The following XRRA1 variants were observed in gnomAD, a reference collection of about 807,000 sequenced individuals.
XRRA1 encodes the protein X-ray radiation resistance-associated protein 1.
Under a neutral mutation model 80.2 loss-of-function variants are expected in XRRA1, and 69 were observed. The observed-to-expected ratio is 0.86, with a 90% CI of 0.71 to 1.05. The LOEUF (loss-of-function observed/expected upper bound fraction) is 1.05, where lower values mean the gene tolerates loss of function less well. Ranked by LOEUF, XRRA1 falls within the 50% of genes least tolerant of loss-of-function variation. The pLI is 0.00. For missense variants in XRRA1, 967 were observed against 976.4 expected, an observed-to-expected ratio of 0.99 and a Z score of 0.13; for synonymous variants, 348 against 389.9, an observed-to-expected ratio of 0.89 and a Z score of 1.27.
chr11:74,893,592 GA>G lies in XRRA1; in HGVS notation c.1003+12646del, dbSNP rs1276201220. 3.6e-4 allele frequency among the ~76,000 whole-genome samples: 51 copies of G among 141,472 alleles called. No individual in the cohort carries two copies. In the South Asian group the frequency reaches 8.4e-3, roughly 23 times the overall value. 92.8% of individuals were successfully genotyped at this position (141,472 alleles called of 152,430 possible). A position where few individuals can be genotyped will look rare whatever the true frequency, so the allele number is the denominator to read the frequency against. On this transcript the variant is annotated intron_variant, in intron 10 of 18. Transcript: ENST00000684022. ...AAATAAAAAAATAAAGACTTCAAAAGAAAAAAAAAAGGAGACATACATCCTG... is the reference window on the plus strand; with the variant it reads ...AAATAAAAAAATAAAGACTTCAAAAGAAAAAAAAAGGAGACATACATCCTG...
intron 7 of XRRA1, among the ~76,000 whole-genome samples, chr11:74,922,385 TCAAGGGGC>T (rs1941099477): frequency 1.3e-5 from 2 of 151,604 alleles, no homozygotes; most frequent in South Asian, 4.2e-4. Context: ...TTGACTGGGG[TCAAGGGGC>T]CAAGGGGTCA....
At chr11:74,929,560 C>A (rs1943038543) in intron 6 of XRRA1, among the ~76,000 whole-genome samples, 1 of 152,208 alleles carries the variant, frequency 6.6e-6, no homozygotes, top group Non-Finnish European at 1.5e-5. Context: ...CAATTGTCCC[C>A]CACATGCTTC....
intron 8 of XRRA1, among the ~76,000 whole-genome samples, chr11:74,914,023 C>T (rs1054996336): frequency 9.2e-5 from 14 of 152,042 alleles, no homozygotes; most frequent in Admixed American, 1.3e-4. Context: ...CTCACTCTGT[C>T]GCCTGGGGTT....
chr11:74,898,871 A>G (rs936904436), intron 10 of XRRA1, among the ~76,000 whole-genome samples: 1 of 152,166 alleles, frequency 6.6e-6, no homozygotes, highest in African/African-American at 2.4e-5. Context: ...ATCAACAAAG[A>G]AACACTGGAC....
At chr11:74,844,369 A>C in intron 16 of XRRA1, 86 bp from the exon 17 acceptor site, 3 of 945,922 alleles carry the variant, frequency 3.2e-6, no homozygotes, top group Non-Finnish European at 3.3e-6. Flanking sequence ...CCTCAGTCTC[A>C]CAGCAGCTCT....
chr11:74,841,916 C>T lies in XRRA1; in HGVS notation c.*1284G>A, dbSNP rs1209862780. Reference sequence around the variant, plus strand: ...CAAGTTTGCATCAAACATGGTATTACCAACGCTGAGCCTCCAGCAGAGCAC... The same window carrying T: ...CAAGTTTGCATCAAACATGGTATTATCAACGCTGAGCCTCCAGCAGAGCAC... On this transcript the variant is annotated 3_prime_UTR_variant, in exon 19 of 19. Transcript: ENST00000684022. The T allele has an allele frequency of 1.3e-5, 2 of 152,224 alleles. No individual in the cohort carries two copies. Among genetic ancestry groups the T allele is most frequent in the Non-Finnish European group, 2.9e-5 (2 of 68,042 alleles). The allele number at this position is 152,224 out of a possible 1,614,324, so 9.4% of individuals were successfully genotyped here.
At chr11:74,844,641 T>C (rs973551663) in intron 16 of XRRA1, among the ~76,000 whole-genome samples, 4 of 152,316 alleles carry the variant, frequency 2.6e-5, no homozygotes, top group African/African-American at 9.6e-5. Context: ...GCTTTGGAAG[T>C]ACTGATTAAC....
intron 1 of XRRA1, among the ~76,000 whole-genome samples, chr11:74,948,531 C>A (rs1229287665): frequency 1.3e-5 from 2 of 152,096 alleles, no homozygotes; most frequent in African/African-American, 2.4e-5. Flanking sequence ...ATCCTAAAAC[C>A]GTAAAAGCAG....
chr11:74,878,495 T>C (rs1420276136), intron 10 of XRRA1, among the ~76,000 whole-genome samples: 1 of 152,224 alleles, frequency 6.6e-6, no homozygotes, highest in Non-Finnish European at 1.5e-5. Context: ...GTTTTGGCTT[T>C]TGTTGCCATT....
chr11:74,843,113 C>T lies in XRRA1; in HGVS notation c.*87G>A. The T allele has an allele frequency of 2.1e-6, 3 of 1,452,688 alleles. No individual in the cohort carries two copies. Among genetic ancestry groups the T allele is most frequent in the Non-Finnish European group, 2.7e-6 (3 of 1,099,312 alleles). The allele number at this position is 1,452,688 out of a possible 1,614,324, so 90.0% of individuals were successfully genotyped here. ...GCTCTGAGGCCTGTGGCCGGCTGGT[C>T]AACCTTGAGGTGCGGTCCAGGGCAC... is the stretch of plus-strand genomic sequence containing the variant. On this transcript the variant is annotated 3_prime_UTR_variant, in exon 19 of 19. Coordinates refer to ENST00000684022, the MANE Select transcript of XRRA1 (RefSeq NM_001378157.1).
chr11:74,873,086 T>C (rs1461685901), intron 10 of XRRA1, among the ~76,000 whole-genome samples: 2 of 152,144 alleles, frequency 1.3e-5, no homozygotes, highest in African/African-American at 4.8e-5. Context: ...TGGAAGCTAT[T>C]ATTAATCCAG....
At chr11:74,847,549 T>C (rs1338036296) in intron 15 of XRRA1, among the ~76,000 whole-genome samples, 1 of 152,194 alleles carries the variant, frequency 6.6e-6, no homozygotes, top group Non-Finnish European at 1.5e-5. Context: ...TTCACCTTTT[T>C]AATTCCTACT....
chr11:74,891,519 C>A (rs1407271789), intron 10 of XRRA1, among the ~76,000 whole-genome samples: 2 of 152,220 alleles, frequency 1.3e-5, no homozygotes, highest in Admixed American at 1.3e-4. Context: ...TCTCTCACCA[C>A]TCCTATTCAA....
Position 74,843,454 on chromosome 11 carries a change from C to T in XRRA1, c.2150-1G>A. 6.2e-7 allele frequency: 1 copy of T among 1,610,712 alleles called. No homozygotes were observed. The highest frequency in any genetic ancestry group is 1.1e-5 in the South Asian group (1 of 90,166). On this transcript the variant is annotated splice_acceptor_variant, in intron 18 of 18. Transcript: ENST00000684022. LOFTEE classifies it high-confidence loss of function. ...TCTGTCCACTGGTGCAGGACAGCAC[C>T]TGCAGGAAAAGAAGCCAGGAGAGGC...
chr11:74,843,495 GT>G, intron 18 of XRRA1, 42 bp from the exon 19 acceptor site: 1 of 1,589,886 alleles, frequency 6.3e-7, no homozygotes, highest in Non-Finnish European at 8.6e-7. Context: ...GCTCATCCTG[GT>G]TCTCACCTAG....
intron 10 of XRRA1, among the ~76,000 whole-genome samples, chr11:74,872,829 T>C (rs4309180): frequency 0.021 from 3,230 of 152,222 alleles, 111 homozygotes; most frequent in African/African-American, 0.074. Context: ...CTTCTAGACA[T>C]TGGAACCAGC....
intron 10 of XRRA1, among the ~76,000 whole-genome samples, chr11:74,883,552 C>T (rs778429588): frequency 2.0e-5 from 3 of 151,874 alleles, no homozygotes; most frequent in Admixed American, 6.5e-5. Flanking sequence ...TCTTAATATT[C>T]ATATTCAAAC....
rs981285677 is a variant in XRRA1, at chr11:74,876,232, C to T, written c.1004-13211G>A. 3 of 152,300 alleles carry T rather than the reference C, an allele frequency of 2.0e-5. No individual in the cohort carries two copies. The Middle Eastern group carries it at 0.01, about 518-fold the overall frequency. The allele number at this position is 152,300 out of a possible 1,614,324, so 9.4% of individuals were successfully genotyped here. On this transcript the variant is annotated intron_variant, in intron 10 of 18. Transcript: ENST00000684022. The stretch of plus-strand genomic sequence containing the variant: ...CATTGTGCTTGGAGACCCCAGTCCT[C>T]AGGAAAGGTAGAGAAGACAAACGAT...
chr11:74,893,993 A>C (rs112439970), intron 10 of XRRA1, among the ~76,000 whole-genome samples: 19 of 152,358 alleles, frequency 1.2e-4, no homozygotes, highest in Non-Finnish European at 2.8e-4. Context: ...CATGGAATCA[A>C]CCTAAATACC....
Sources: allele counts gnomAD v4.1 joint callset (sites outside exome capture counted in the v4.1 genomes callset), GRCh38; gene constraint gnomAD v4.1.1; transcripts MANE v1.5; gene names NCBI Gene and HGNC (gene_info 2026-07-23, HGNC 2026-07-21).